Variants in SELENOT observed in about 807,000 individuals in gnomAD.
SELENOT encodes the protein selenoprotein T, also known as thioredoxin reductase-like selenoprotein T.
Under a neutral mutation model 24.3 loss-of-function variants are expected in SELENOT, and 9 were observed. The ratio of observed to expected loss-of-function variants is 0.37; its 90% CI spans 0.22 to 0.65. The LOEUF (loss-of-function observed/expected upper bound fraction) is 0.65, where lower values mean the gene tolerates loss of function less well. Ranked by LOEUF, SELENOT falls within the 30% of genes least tolerant of loss-of-function variation. The pLI is 0.60. For missense variants in SELENOT, 166 were observed against 247.6 expected (o/e 0.67, Z 2.21); for synonymous variants, 81 against 86.0 (o/e 0.94, Z 0.32).
intron 1 of SELENOT, among the ~76,000 whole-genome samples, chr3:150,619,837 A>G (rs1726300021): frequency 6.6e-6 from 1 of 152,214 alleles, no homozygotes; most frequent in African/African-American, 2.4e-5. Flanking sequence ...GCTTCACAAC[A>G]GAAAAATTAT....
chr3:150,611,004 CGTGTGTGTGTGTGTGT>C (rs113532087), intron 1 of SELENOT, among the ~76,000 whole-genome samples: 8 of 145,396 alleles, frequency 5.5e-5, no homozygotes, highest in African/African-American at 2.0e-4. Context: ...CATCATGAGT[CGTGTGTGTGTGTGTGT>C]GTGTGTGTGT....
chr3:150,608,802 C>G (rs1235862963), intron 1 of SELENOT, among the ~76,000 whole-genome samples: 1 of 152,094 alleles, frequency 6.6e-6, no homozygotes. Context: ...GAATTAAGTA[C>G]TTAGTTCAAA....
chr3:150,611,380 A>G lies in SELENOT; in HGVS notation c.137+7881A>G, dbSNP rs558849418. 8.2e-6 allele frequency: 10 copies of G among 1,215,916 alleles called. No homozygotes were observed. In the Admixed American group the frequency reaches 8.4e-5, roughly 10 times the overall value. The allele number at this position is 1,215,916 out of a possible 1,614,324, so 75.3% of individuals were successfully genotyped here. A position where few individuals can be genotyped will look rare whatever the true frequency, so the allele number is the denominator to read the frequency against. ...AATAGACCTAAAGTGGCAACCAACT[A>G]TCTCAACAAGTTGTGCTTTATTAAG... On this transcript the variant is annotated intron_variant, in intron 1 of 5. Coordinates refer to ENST00000471696, the MANE Select transcript of SELENOT (RefSeq NM_016275.5).
chr3:150,618,074 C>T (rs564549834), intron 1 of SELENOT, among the ~76,000 whole-genome samples: 5 of 152,266 alleles, frequency 3.3e-5, no homozygotes, highest in African/African-American at 9.6e-5. Context: ...CCAGGCTGGT[C>T]TCAAACTCCT....
chr3:150,623,016 A>G, intron 2 of SELENOT, 27 bp from the exon 3 acceptor site: 3 of 1,495,556 alleles, frequency 2.0e-6, no homozygotes, highest in Non-Finnish European at 2.7e-6. Context: ...GTGGCTTCTG[A>G]TGATTTTCTT....
At chr3:150,611,897 C>T in intron 1 of SELENOT, 1 of 1,001,510 alleles carries the variant, frequency 1.0e-6, no homozygotes. Flanking sequence ...CTCCGGGGTA[C>T]CGGCGCTGAC....
At chr3:150,607,495 G>A (rs905261670) in intron 1 of SELENOT, among the ~76,000 whole-genome samples, 5 of 152,182 alleles carry the variant, frequency 3.3e-5, no homozygotes, top group East Asian at 1.9e-4. Flanking sequence ...TGCTTCCTGC[G>A]GAGAATTCAA....
intron 1 of SELENOT, among the ~76,000 whole-genome samples, chr3:150,605,069 G>A (rs1173590905): frequency 6.7e-6 from 1 of 148,872 alleles, no homozygotes; most frequent in African/African-American, 2.5e-5. Context: ...CCTGTACAAT[G>A]TACTATGTTT....
chr3:150,603,346 T>C lies in SELENOT; in HGVS notation c.-17T>C, dbSNP rs1335229054. On this transcript the variant is annotated 5_prime_UTR_variant, in exon 1 of 6. Coordinates refer to ENST00000471696, the MANE Select transcript of SELENOT (RefSeq NM_016275.5). ...GCAGTCTGTCTGAGGGCGGCCGAAGTGGCTGGCTCATTTAAGATGAGGCTT... is the reference window on the plus strand; with the variant it reads ...GCAGTCTGTCTGAGGGCGGCCGAAGCGGCTGGCTCATTTAAGATGAGGCTT... The C allele has an allele frequency of 1.2e-6, 2 of 1,605,670 alleles. No homozygotes were observed. The highest frequency in any genetic ancestry group is 1.7e-6 in the Non-Finnish European group (2 of 1,174,070).
chr3:150,626,132 C>T (rs1169715666), intron 4 of SELENOT, among the ~76,000 whole-genome samples: 1 of 152,144 alleles, frequency 6.6e-6, no homozygotes, highest in African/African-American at 2.4e-5. Flanking sequence ...ACCTCCGCCT[C>T]CCAAAGTGCT....
At chr3:150,619,099 T>C (rs190648541) in intron 1 of SELENOT, among the ~76,000 whole-genome samples, 19 of 151,664 alleles carry the variant, frequency 1.3e-4, no homozygotes, top group African/African-American at 4.6e-4. Flanking sequence ...TGGGCGCCTG[T>C]AGTCTCAGCT....
intron 4 of SELENOT, among the ~76,000 whole-genome samples, chr3:150,625,155 A>C (rs1180595964): frequency 6.6e-6 from 1 of 151,492 alleles, no homozygotes; most frequent in African/African-American, 2.4e-5. Context: ...AGTTGGCCCT[A>C]TTCTTTTATC....
chr3:150,618,527 A>G (rs994223961), intron 1 of SELENOT, among the ~76,000 whole-genome samples: 2 of 152,104 alleles, frequency 1.3e-5, no homozygotes, highest in Non-Finnish European at 2.9e-5. Context: ...GGTTGGCACT[A>G]TGAATTAGGA....
chr3:150,620,484 CTG>C (rs1241283584), intron 1 of SELENOT, among the ~76,000 whole-genome samples: 1 of 152,186 alleles, frequency 6.6e-6, no homozygotes, highest in East Asian at 1.9e-4. Context: ...AGGACCGTAT[CTG>C]TGTTACTCAC....
intron 1 of SELENOT, among the ~76,000 whole-genome samples, chr3:150,622,084 C>T (rs1201231642): frequency 6.6e-6 from 1 of 151,252 alleles, no homozygotes; most frequent in Non-Finnish European, 1.5e-5. Context: ...TGTTGTCCAA[C>T]AGTAACCCAA....
chr3:150,626,241 T>G (rs1726442610), intron 4 of SELENOT, among the ~76,000 whole-genome samples: 1 of 152,188 alleles, frequency 6.6e-6, no homozygotes, highest in African/African-American at 2.4e-5. Context: ...ATTAAATGAC[T>G]TGACTTTGTT....
chr3:150,611,935 G>A lies in SELENOT; in HGVS notation c.137+8436G>A, dbSNP rs888835444. ...AAATCCCCACTCTCCTGGCCGCTCC[G>A]TCGGCGGCAGTTCACTCTGCACACC... On this transcript the variant is annotated intron_variant, in intron 1 of 5. Transcript: ENST00000471696. 1.4e-5 allele frequency: 12 copies of A among 843,978 alleles called. No homozygotes were observed. The East Asian group carries it at 2.2e-4, about 16-fold the overall frequency. 52.3% of individuals were successfully genotyped at this position (843,978 alleles called of 1,614,324 possible).
At chr3:150,617,427 C>A (rs1166424321) in intron 1 of SELENOT, among the ~76,000 whole-genome samples, 2 of 152,156 alleles carry the variant, frequency 1.3e-5, no homozygotes, top group Non-Finnish European at 2.9e-5. Flanking sequence ...ATAGTGAGAT[C>A]TCATCTCAAC....
At chr3:150,623,014 T>A (rs769296220) in intron 2 of SELENOT, 29 bp from the exon 3 acceptor site, 21 of 1,494,714 alleles carry the variant, frequency 1.4e-5, no homozygotes, top group Non-Finnish European at 1.7e-5. Context: ...TTGTGGCTTC[T>A]GATGATTTTC....
Sources: allele counts gnomAD v4.1 joint callset (sites outside exome capture counted in the v4.1 genomes callset), GRCh38; gene constraint gnomAD v4.1.1; transcripts MANE v1.5; gene names NCBI Gene and HGNC (gene_info 2026-07-23, HGNC 2026-07-21).